OLFM3: variants seen among roughly 807,000 people sequenced by gnomAD.
OLFM3 encodes noelin-3.
A neutral mutation model predicts 48.6 loss-of-function variants in OLFM3; 20 were observed. The observed-to-expected ratio is 0.41, with a 90% CI of 0.29 to 0.60. The LOEUF is 0.60. OLFM3 is among the 20% of genes least tolerant of loss of function. OLFM3 has a pLI of 0.28. For synonymous variants in OLFM3, 222 were observed against 198.1 expected (o/e 1.12, Z -1.01); for missense variants, 437 against 544.3 (o/e 0.80, Z 1.96).
chr1:101,826,152 A>T (rs1654855551), intron 3 of OLFM3, among the ~76,000 whole-genome samples: 1 of 151,098 alleles, frequency 6.6e-6, no homozygotes, highest in African/African-American at 2.5e-5. Context: ...ACACACACAC[A>T]CACACACACA....
At chr1:101,827,421 G>A (rs777691386) in intron 3 of OLFM3, among the ~76,000 whole-genome samples, 4 of 151,932 alleles carry the variant, frequency 2.6e-5, no homozygotes, top group Non-Finnish European at 5.9e-5. Flanking sequence ...CCGGGTTCAC[G>A]CCATTCTCCT....
chr1:101,958,874 C>A (rs1660382643), intron 1 of OLFM3, among the ~76,000 whole-genome samples: 1 of 148,768 alleles, frequency 6.7e-6, no homozygotes, highest in Non-Finnish European at 1.5e-5. Flanking sequence ...ATGTAATTGG[C>A]ATATCTGTTA....
chr1:101,805,225 C>A (rs1201997630), intron 5 of OLFM3, among the ~76,000 whole-genome samples: 2 of 53,406 alleles, frequency 3.7e-5, no homozygotes. Context: ...TATGTCAATG[C>A]AAATTACACC....
chr1:101,834,117 G>A (rs1289392789), intron 2 of OLFM3, among the ~76,000 whole-genome samples: 1 of 152,120 alleles, frequency 6.6e-6, no homozygotes, highest in Non-Finnish European at 1.5e-5. Flanking sequence ...ATAAATACCT[G>A]TTAAATGGCA....
At chr1:101,848,882 T>C (rs1656117037) in intron 1 of OLFM3, among the ~76,000 whole-genome samples, 1 of 152,186 alleles carries the variant, frequency 6.6e-6, no homozygotes, top group African/African-American at 2.4e-5. Flanking sequence ...ATGGTAATTA[T>C]ACTTATTATT....
intron 1 of OLFM3, among the ~76,000 whole-genome samples, chr1:101,995,777 T>C (rs1225333907): frequency 6.6e-6 from 1 of 152,228 alleles, no homozygotes; most frequent in Non-Finnish European, 1.5e-5. Context: ...TTTTATAGCA[T>C]GGAATCATTC....
intron 5 of OLFM3, among the ~76,000 whole-genome samples, chr1:101,805,392 C>A (rs147390406): frequency 8.0e-4 from 121 of 151,918 alleles, no homozygotes; most frequent in Non-Finnish European, 1.3e-3. Context: ...GTTTATTGGG[C>A]TAGCCTGTAA....
intron 1 of OLFM3, among the ~76,000 whole-genome samples, chr1:101,897,502 T>G (rs1658247196): frequency 6.6e-6 from 1 of 152,090 alleles, no homozygotes; most frequent in Admixed American, 6.5e-5. Flanking sequence ...TTTACTCTCT[T>G]GAGAAGTTAC....
chr1:101,804,927 G>A lies in OLFM3; in HGVS notation c.700-12C>T, dbSNP rs1557680401. The A allele has an allele frequency of 1.6e-5, 26 of 1,577,188 alleles. No homozygotes were observed. In the Admixed American group the frequency reaches 2.4e-4, roughly 14 times the overall value. ...TCCATGTACCAGACCTGAGAAGAAGGAAAAAAATAAATGGAGTGACTAAAT... is the reference window on the plus strand; with the variant it reads ...TCCATGTACCAGACCTGAGAAGAAGAAAAAAAATAAATGGAGTGACTAAAT... On this transcript the variant is annotated splice_polypyrimidine_tract_variant and intron_variant, in intron 5 of 5. Coordinates refer to ENST00000370103, the MANE Select transcript of OLFM3 (RefSeq NM_058170.4). This position sits in a 1 kb window ranked among gnomAD's most constrained non-coding sequence, Gnocchi z 4.5.
intron 4 of OLFM3, among the ~76,000 whole-genome samples, chr1:101,820,916 G>A (rs1422960064): frequency 6.6e-6 from 1 of 152,064 alleles, no homozygotes; most frequent in Non-Finnish European, 1.5e-5. Context: ...CATTTGTGTA[G>A]AGTGAAGATG....
chr1:101,936,562 T>C (rs1165537909), intron 1 of OLFM3, among the ~76,000 whole-genome samples: 1 of 152,186 alleles, frequency 6.6e-6, no homozygotes, highest in African/African-American at 2.4e-5. Flanking sequence ...ATGCTATTCT[T>C]ATCAAGGTAC....
chr1:101,903,283 G>C (rs1271301004), intron 1 of OLFM3, among the ~76,000 whole-genome samples: 1 of 152,040 alleles, frequency 6.6e-6, no homozygotes, highest in East Asian at 1.9e-4. Context: ...CAAGAACAAA[G>C]ACAATTGTTA....
At chr1:101,869,551 T>C (rs1029597223) in intron 1 of OLFM3, among the ~76,000 whole-genome samples, 13 of 152,018 alleles carry the variant, frequency 8.6e-5, no homozygotes, top group African/African-American at 3.1e-4. Flanking sequence ...TTGGAATGAG[T>C]TGAGATTTGG....
At chr1:101,851,404 T>G (rs1656216159) in intron 1 of OLFM3, among the ~76,000 whole-genome samples, 1 of 152,128 alleles carries the variant, frequency 6.6e-6, no homozygotes. Flanking sequence ...GGCAACCCTA[T>G]TTTTGACAAG....
chr1:101,996,058 A>G (rs1400469859), intron 1 of OLFM3, among the ~76,000 whole-genome samples: 15 of 152,196 alleles, frequency 9.9e-5, no homozygotes, highest in Non-Finnish European at 1.5e-5. Context: ...TTCAACGTCT[A>G]TGAGTTAACT....
At chr1:101,897,575 A>G (rs1658248958) in intron 1 of OLFM3, among the ~76,000 whole-genome samples, 1 of 152,212 alleles carries the variant, frequency 6.6e-6, no homozygotes, top group Non-Finnish European at 1.5e-5. Flanking sequence ...ACTAGAGTGC[A>G]TATTTTTTAA....
chr1:101,960,877 T>G (rs926195381), intron 1 of OLFM3, among the ~76,000 whole-genome samples: 4 of 152,204 alleles, frequency 2.6e-5, no homozygotes, highest in Non-Finnish European at 4.4e-5. Flanking sequence ...GAAAGTTCAC[T>G]GACTTCTAAG....
chr1:101,881,078 G>A (rs1485575555), intron 1 of OLFM3, among the ~76,000 whole-genome samples: 1 of 151,852 alleles, frequency 6.6e-6, no homozygotes, highest in East Asian at 1.9e-4. Context: ...GGCTTGCTGA[G>A]TGTGTAAATA....
intron 1 of OLFM3, among the ~76,000 whole-genome samples, chr1:101,869,576 A>G (rs1299038337): frequency 6.6e-6 from 1 of 152,154 alleles, no homozygotes; most frequent in Admixed American, 6.6e-5. Flanking sequence ...ACCATTGGGA[A>G]GGCATGATTG....
Sources: gnomAD v4.1 joint callset for allele counts (sites outside exome capture counted in the v4.1 genomes callset) on GRCh38, gnomAD v4.1.1 for gene constraint, Gnocchi (gnomAD v3.1) non-coding constraint, MANE v1.5 for transcripts, NCBI Gene and HGNC (gene_info 2026-07-23, HGNC 2026-07-21) for gene names.